The following KCNMB4 variants were observed in gnomAD, a reference collection of about 807,000 sequenced individuals.
KCNMB4 encodes potassium calcium-activated channel subfamily M regulatory beta subunit 4, also known as calcium-activated potassium channel subunit beta-4.
Under a neutral mutation model 20.7 loss-of-function variants are expected in KCNMB4, and 3 were observed. The observed-to-expected ratio is 0.14, with a 90% CI of 0.07 to 0.37. The LOEUF (loss-of-function observed/expected upper bound fraction) is 0.37. KCNMB4 is among the 10% of genes least tolerant of loss of function. The pLI is 1.00. For missense variants in KCNMB4, 168 were observed against 265.9 expected (o/e 0.63, Z 2.56); for synonymous variants, 110 against 113.4 (o/e 0.97, Z 0.19).
At chr12:70,398,628 C>CTG (rs1555212436) in intron 1 of KCNMB4, among the ~76,000 whole-genome samples, 3 of 151,878 alleles carry the variant, frequency 2.0e-5, no homozygotes, top group Non-Finnish European at 4.4e-5. Context: ...TTTATAATGT[C>CTG]TATATTTTTT....
intron 2 of KCNMB4, among the ~76,000 whole-genome samples, chr12:70,402,175 T>G (rs1423201111): frequency 3.3e-5 from 5 of 152,198 alleles, no homozygotes; most frequent in African/African-American, 1.2e-4. Flanking sequence ...TTGCTTTTCC[T>G]GCTTCTTGGC....
Position 70,366,655 on chromosome 12 carries a change from T to A in KCNMB4, c.-80T>A. 1.1e-4 allele frequency: 104 copies of A among 980,672 alleles called. No homozygotes were observed. Among genetic ancestry groups the A allele is most frequent in the Middle Eastern group, 4.3e-4 (1 of 2,312 alleles). The allele number at this position is 980,672 out of a possible 1,614,324, so 60.7% of individuals were successfully genotyped here. On this transcript the variant is annotated 5_prime_UTR_variant, in exon 1 of 3. Transcript: ENST00000258111. ...CGGCGGCGGTGGCGGCGGCGGCTCC[T>A]CCCGCCCGAGGCAGTCGGGCTCGGC...
chr12:70,390,913 T>A (rs11178215), intron 1 of KCNMB4, among the ~76,000 whole-genome samples: 35,388 of 152,100 alleles, frequency 0.23, 4,602 homozygotes, highest in East Asian at 0.5. Context: ...AGAGCCAGTG[T>A]TCAATACTAT....
intron 2 of KCNMB4, among the ~76,000 whole-genome samples, chr12:70,406,674 C>T (rs1012052092): frequency 1.3e-5 from 2 of 152,146 alleles, no homozygotes; most frequent in African/African-American, 4.8e-5. Flanking sequence ...GGCACCCCTT[C>T]CATGTGCTGT....
intron 2 of KCNMB4, among the ~76,000 whole-genome samples, chr12:70,424,392 G>A (rs1869151842): frequency 6.7e-6 from 1 of 150,240 alleles, no homozygotes; most frequent in African/African-American, 2.5e-5. Flanking sequence ...GGTGAGCCGA[G>A]ATCGCGCCAC....
At position 70,402,006 on chromosome 12, in the gene KCNMB4, C is replaced by T. The variant is rs560525904; in HGVS notation, c.464+1670C>T. Among the ~76,000 whole-genome samples the T allele has an allele frequency of 7.2e-5, 11 of 152,286 alleles. No individual in the cohort carries two copies. The South Asian group carries it at 2.1e-3, about 29-fold the overall frequency. On this transcript the variant is annotated intron_variant, in intron 2 of 2. Coordinates refer to ENST00000258111, the MANE Select transcript of KCNMB4 (RefSeq NM_014505.6). The stretch of plus-strand genomic sequence containing the variant: ...AGGAGGAGCTGCAAAACATTTGTCA[C>T]CACATTTAATCTACCACAGGATACA...
chr12:70,396,630 G>A (rs115061018), intron 1 of KCNMB4, among the ~76,000 whole-genome samples: 1 of 152,270 alleles, frequency 6.6e-6, no homozygotes, highest in African/African-American at 2.4e-5. Context: ...AAGTCCCTCT[G>A]TCCCTCAGTT....
intron 1 of KCNMB4, among the ~76,000 whole-genome samples, chr12:70,388,658 C>T (rs1211283376): frequency 1.3e-5 from 2 of 152,006 alleles, no homozygotes; most frequent in Admixed American, 1.3e-4. Context: ...ATTTGTATGT[C>T]TTGATTATTA....
intron 2 of KCNMB4, among the ~76,000 whole-genome samples, chr12:70,417,503 A>G (rs1868941944): frequency 2.0e-5 from 3 of 152,214 alleles, no homozygotes. Context: ...TAAAAGATGA[A>G]GCAGGAAGAA....
chr12:70,381,929 T>C (rs1336253574), intron 1 of KCNMB4, among the ~76,000 whole-genome samples: 1 of 152,220 alleles, frequency 6.6e-6, no homozygotes, highest in African/African-American at 2.4e-5. Flanking sequence ...GAATGATTGC[T>C]TTGCAAATTT....
At chr12:70,386,823 A>G (rs983024348) in intron 1 of KCNMB4, among the ~76,000 whole-genome samples, 1 of 152,168 alleles carries the variant, frequency 6.6e-6, no homozygotes, top group African/African-American at 2.4e-5. Context: ...CAACTGATAA[A>G]TTTTGACACA....
In KCNMB4 at chr12:70,390,556, CTTGTTTGTTA is replaced by C. The variant is rs373441494; in HGVS notation, c.337-9649_337-9640del. 3.4e-3 allele frequency among the ~76,000 whole-genome samples: 513 copies of C among 152,246 alleles called. 2 individuals carry two copies. Among genetic ancestry groups the C allele is most frequent in the African/African-American group, 0.011 (455 of 41,544 alleles). On this transcript the variant is annotated intron_variant, in intron 1 of 2. Transcript: ENST00000258111. ...TATATCCGCTGATCTGTCATAGACTCTTGTTTGTTATTGAAGCCACTGAGCCATAGAGATG... is the reference window on the plus strand; with the variant it reads ...TATATCCGCTGATCTGTCATAGACTCTTGAAGCCACTGAGCCATAGAGATG...
rs186434499 is a variant in KCNMB4, at chr12:70,406,198, A to G, written c.464+5862A>G. 1.2e-4 allele frequency among the ~76,000 whole-genome samples: 19 copies of G among 152,324 alleles called. 1 individual carries two copies. The East Asian group carries it at 3.5e-3, about 28-fold the overall frequency. On this transcript the variant is annotated intron_variant, in intron 2 of 2. Coordinates refer to ENST00000258111, the MANE Select transcript of KCNMB4 (RefSeq NM_014505.6). ...CAAGTAAGATCAATAGGCTCTACAGACTTGTACAGTACAAGTCAACACTTG... is the reference window on the plus strand; with the variant it reads ...CAAGTAAGATCAATAGGCTCTACAGGCTTGTACAGTACAAGTCAACACTTG...
intron 2 of KCNMB4, among the ~76,000 whole-genome samples, chr12:70,409,247 A>G (rs1474447429): frequency 6.6e-6 from 1 of 152,186 alleles, no homozygotes; most frequent in Non-Finnish European, 1.5e-5. Flanking sequence ...AGTCTCTTGA[A>G]TTCACTTCCT....
chr12:70,393,481 G>A (rs1868319254), intron 1 of KCNMB4, among the ~76,000 whole-genome samples: 1 of 152,142 alleles, frequency 6.6e-6, no homozygotes, highest in African/African-American at 2.4e-5. Context: ...GATTACAGGT[G>A]TGAGCCACCA....
At position 70,432,818 on chromosome 12, in the gene KCNMB4, C is replaced by T. The variant is rs1869403905; in HGVS notation, c.*2165C>T. ...TTATGGGAGACGAAGTCTGCTTTATCCATTTTATCTTTATTCAGTTGTCTA... is the reference window on the plus strand; with the variant it reads ...TTATGGGAGACGAAGTCTGCTTTATTCATTTTATCTTTATTCAGTTGTCTA... On this transcript the variant is annotated 3_prime_UTR_variant, in exon 3 of 3. Transcript: ENST00000258111. 6.6e-6 allele frequency: 1 copy of T among 152,018 alleles called. No individual in the cohort carries two copies. Among genetic ancestry groups the T allele is most frequent in the Admixed American group, 6.6e-5 (1 of 15,256 alleles). The allele number at this position is 152,018 out of a possible 1,614,324, so 9.4% of individuals were successfully genotyped here.
chr12:70,392,128 TAC>T (rs925848222), intron 1 of KCNMB4, among the ~76,000 whole-genome samples: 4 of 152,174 alleles, frequency 2.6e-5, no homozygotes, highest in Non-Finnish European at 5.9e-5. Flanking sequence ...TTGTGTACCT[TAC>T]AGTACACAAT....
intron 2 of KCNMB4, among the ~76,000 whole-genome samples, chr12:70,426,457 G>T (rs1869218368): frequency 6.6e-6 from 1 of 152,062 alleles, no homozygotes; most frequent in African/African-American, 2.4e-5. Context: ...AATCATCTCA[G>T]AGCTTCTCCA....
intron 1 of KCNMB4, among the ~76,000 whole-genome samples, chr12:70,395,151 G>GTTTTTTTTTTTTTTTTTTTTTTTTTTT (rs1478681672): frequency 6.6e-6 from 1 of 151,472 alleles, no homozygotes; most frequent in African/African-American, 2.4e-5. Context: ...AGTAGATAAT[G>GTTTTTTTTTTTTTTTTTTTTTTTTTTT]TTTTAAGAAT....
Sources: allele counts gnomAD v4.1 joint callset (sites outside exome capture counted in the v4.1 genomes callset), GRCh38; gene constraint gnomAD v4.1.1; transcripts MANE v1.5; gene names NCBI Gene and HGNC (gene_info 2026-07-23, HGNC 2026-07-21).